PCNX3: variants seen among roughly 807,000 people sequenced by gnomAD.
PCNX3 encodes pecanex 3, also known as pecanex-like protein 3.
In PCNX3, 58 loss-of-function variants were observed where a neutral mutation model predicts 207.2. The ratio of observed to expected loss-of-function variants is 0.28; its 90% CI spans 0.23 to 0.35. The LOEUF (loss-of-function observed/expected upper bound fraction) is 0.35. Ranked by LOEUF, PCNX3 falls within the 10% of genes least tolerant of loss-of-function variation. The pLI is 1.00. For missense variants in PCNX3, 2,410 were observed against 2,774.4 expected (o/e 0.87, Z 2.95); for synonymous variants, 1,337 against 1,183.5 (o/e 1.13, Z -2.66).
Position 65,625,370 on chromosome 11 carries a change from G to C in PCNX3, c.3030-35G>C. Reference sequence around the variant, plus strand: ...CCGTGACTGGGGCCGGGGGGAAGGAGGGGCGGCCTCCTCCTGACTCTTCCT... The same window carrying C: ...CCGTGACTGGGGCCGGGGGGAAGGACGGGCGGCCTCCTCCTGACTCTTCCT... On this transcript the variant is annotated intron_variant, in intron 17 of 34. Transcript: ENST00000355703. The surrounding 1 kb of genome is among the most constrained non-coding windows in gnomAD (Gnocchi z 5.6). 1.3e-6 allele frequency: 2 copies of C among 1,596,532 alleles called. No individual in the cohort carries two copies. Among genetic ancestry groups the C allele is most frequent in the Non-Finnish European group, 1.7e-6 (2 of 1,174,160 alleles).
chr11:65,626,639 G>T, intron 20 of PCNX3: 1 of 531,574 alleles, frequency 1.9e-6, no homozygotes, highest in Non-Finnish European at 3.4e-6. Flanking sequence ...CTGTACGTAG[G>T]TGTTTGCGAT....
At chr11:65,627,698 C>G in intron 22 of PCNX3, 116 bp downstream of exon 22, 1 of 1,288,778 alleles carries the variant, frequency 7.8e-7, no homozygotes, top group Admixed American at 2.0e-5. Context: ...GTATCAGCCC[C>G]GTGGGCCTTT....
intron 22 of PCNX3, among the ~76,000 whole-genome samples, chr11:65,628,111 C>T (rs556019093): frequency 1.3e-5 from 2 of 152,180 alleles, no homozygotes; most frequent in Non-Finnish European, 2.9e-5. Context: ...AGGCCTGAGC[C>T]TTTTTCTTCC....
Position 65,626,932 on chromosome 11 carries a change from G to A in PCNX3, c.3408G>A (p.Lys1136=). The A allele has an allele frequency of 6.3e-7, 1 of 1,585,190 alleles. No individual in the cohort carries two copies. ...CCGCCCAGGTGATGTGGTTTGAGAA[G>A]CTGTATGCTGGCCTGCAGTGCGTAG... is the stretch of plus-strand genomic sequence containing the variant. ...RGAAQVMWFE[K]LYAGLQCVEK... is the part of the protein sequence containing the mutation. The change falls in exon 21 of 35, where the codon AAG becomes AAA. Residue 1136 remains lysine, a synonymous_variant. Coordinates refer to ENST00000355703, the MANE Select transcript of PCNX3 (RefSeq NM_032223.4).
At position 65,618,866 on chromosome 11, in the gene PCNX3, C is replaced by T. The variant is rs372609082; in HGVS notation, c.1504C>T (p.Arg502Cys). Residue 502 changes from arginine to cysteine, a missense_variant, in exon 6 of 35, where the codon CGT becomes TGT. Transcript: ENST00000355703. ...TACCGCCAGCGCTAAAACACATGCCCGTGTGCTGAGCATGGATGGGGCTGG... is the reference window on the plus strand; with the variant it reads ...TACCGCCAGCGCTAAAACACATGCCTGTGTGCTGAGCATGGATGGGGCTGG... ...PSTASAKTHARVLSMDGAGGD... is the reference protein window; with the variant it reads ...PSTASAKTHACVLSMDGAGGD... The T allele has an allele frequency of 4.4e-5, 71 of 1,610,482 alleles. No individual in the cohort carries two copies. The highest frequency in any genetic ancestry group is 1.8e-4 in the South Asian group (16 of 90,736).
chr11:65,627,628 C>G, intron 22 of PCNX3, 46 bp downstream of exon 22: 1 of 1,590,550 alleles, frequency 6.3e-7, no homozygotes, highest in Non-Finnish European at 8.6e-7. Flanking sequence ...CCAATGGGAG[C>G]AGAGCCAACT....
At position 65,619,558 on chromosome 11, in the gene PCNX3, G is replaced by A. The variant is rs1314326267; in HGVS notation, c.1727G>A (p.Arg576Gln). Residue 576 changes from arginine to glutamine, a missense_variant, in exon 7 of 35, where the codon CGG (arginine) becomes CAG (glutamine). Coordinates refer to ENST00000355703, the MANE Select transcript of PCNX3 (RefSeq NM_032223.4). ...GCAGCGGCCGAGGAGACTGGCAGGC[G>A]GGACCGCTCAAGCAGTGTGAGGCGG... ...VGGAAEETGR[R>Q]DRSSSVRRTQ... 15 of 1,610,420 alleles carry A rather than the reference G, an allele frequency of 9.3e-6. No individual in the cohort carries two copies. Among genetic ancestry groups the A allele is most frequent in the African/African-American group, 4.0e-5 (3 of 74,928 alleles).
intron 20 of PCNX3, chr11:65,626,348 C>T (rs757336166): frequency 1.7e-6 from 1 of 598,268 alleles, no homozygotes; most frequent in African/African-American, 1.8e-5. Context: ...GAAGGGATCT[C>T]TTGTCCAGAA....
At chr11:65,624,662 C>T (rs1855286351) in intron 15 of PCNX3, 81 bp downstream of exon 15, 3 of 1,264,310 alleles carry the variant, frequency 2.4e-6, no homozygotes, top group Non-Finnish European at 3.4e-6. Context: ...TTGGCTCCAC[C>T]CTTGCGGAAC....
rs1193928014 is a variant in PCNX3 at position 65,637,047 on chromosome 11, G to A, written c.*69G>A. The stretch of plus-strand genomic sequence containing the variant: ...GACCTGCTCTGCTGCCTCTCTGCTG[G>A]ACCACAGAACTGAGTGGCTTTGGCC... On this transcript the variant is annotated 3_prime_UTR_variant, in exon 35 of 35. Transcript: ENST00000355703. 1 of 1,483,984 alleles carries A rather than the reference G, an allele frequency of 6.7e-7. No homozygotes were observed. Among genetic ancestry groups the A allele is most frequent in the African/African-American group, 1.4e-5 (1 of 72,058 alleles). The allele number at this position is 1,483,984 out of a possible 1,614,324, so 91.9% of individuals were successfully genotyped here. A position where few individuals can be genotyped will look rare whatever the true frequency, so the allele number is the denominator to read the frequency against.
At chr11:65,630,295 A>T in intron 26 of PCNX3, 56 bp from the exon 27 acceptor site, 1 of 1,574,928 alleles carries the variant, frequency 6.3e-7, no homozygotes, top group East Asian at 2.3e-5. Context: ...CTCTCCCAGG[A>T]CAGGGCAGGT....
Position 65,617,947 on chromosome 11 carries a change from C to A in PCNX3, c.585C>A (p.Asp195Glu). The change falls in exon 6 of 35, where the codon GAC (aspartate) becomes GAA (glutamate). Residue 195 changes from aspartate (D) to glutamate (E), a missense_variant. Transcript: ENST00000355703. ...TTCCCTTTATTTTGGCAGTTGGAGA[C>A]CTTCCCCAGACGCCTCCAGGGGCTG... ...KLSSQEKLIG[D>E]LPQTPPGAVP... 1 of 1,575,080 alleles carries A rather than the reference C, an allele frequency of 6.3e-7. No homozygotes were observed. Among genetic ancestry groups the A allele is most frequent in the African/African-American group, 1.4e-5 (1 of 72,878 alleles).
chr11:65,621,665 G>C (rs1855110805), intron 10 of PCNX3, among the ~76,000 whole-genome samples: 1 of 152,216 alleles, frequency 6.6e-6, no homozygotes, highest in Non-Finnish European at 1.5e-5. Flanking sequence ...GCGTGCCTCT[G>C]GCTCGCCATT....
At chr11:65,619,103 G>T (rs76048069) in intron 6 of PCNX3, 36 bp downstream of exon 6, 1 of 1,519,472 alleles carries the variant, frequency 6.6e-7, no homozygotes, top group South Asian at 1.2e-5. Context: ...GCTGGGGGAC[G>T]TGAGCTACGG....
chr11:65,622,643 T>G (rs1855168837), intron 11 of PCNX3, among the ~76,000 whole-genome samples: 1 of 152,230 alleles, frequency 6.6e-6, no homozygotes. Context: ...TCGTCCAGGC[T>G]GGAGTGCAGT....
In PCNX3 at chr11:65,617,215, G is replaced by A. The variant is rs199716073; in HGVS notation, c.342-35G>A. The A allele has an allele frequency of 3.3e-5, 52 of 1,557,190 alleles. No individual in the cohort carries two copies. In the African/African-American group the frequency reaches 3.8e-4, roughly 11 times the overall value. On this transcript the variant is annotated intron_variant, in intron 2 of 34. Transcript: ENST00000355703. ...AGGAAGTAGCATACACAGAGGAGAG[G>A]TTAGCTCAAAGCTGCTGCTCTTTTT...
chr11:65,619,237 A>G (rs1346566116), intron 6 of PCNX3, among the ~76,000 whole-genome samples, 170 bp downstream of exon 6: 2 of 152,116 alleles, frequency 1.3e-5, no homozygotes, highest in African/African-American at 4.8e-5. Context: ...CCTCTTAGAC[A>G]TGGGGCTCAG....
At position 65,635,778 on chromosome 11, in the gene PCNX3, C is replaced by T. The variant is rs754275678; in HGVS notation, c.5434C>T (p.His1812Tyr). ...CCCCATCAGCCTGGGTGCCATTGCC[C>T]ACTGGCTCCTGCGCACCTGGGAGAG... The part of the protein sequence containing the change: ...GGPISLGAIA[H>Y]WLLRTWERLH... Residue 1812 changes from histidine to tyrosine, a missense_variant, in exon 32 of 35, where the codon CAC becomes TAC. By Grantham distance (83) the His-to-Tyr change is moderately conservative (BLOSUM62 2). Around this residue, in one of 8 missense-constraint regions of PCNX3, gnomAD observed 59 missense variants for 83.9 expected, o/e 0.70. Coordinates refer to ENST00000355703, the MANE Select transcript of PCNX3 (RefSeq NM_032223.4). The surrounding 1 kb of genome is among the most constrained non-coding windows in gnomAD (Gnocchi z 9.9). 1.2e-6 allele frequency: 2 copies of T among 1,603,790 alleles called. No individual in the cohort carries two copies. The highest frequency in any genetic ancestry group is 1.7e-6 in the Non-Finnish European group (2 of 1,175,860).
intron 10 of PCNX3, 72 bp downstream of exon 10, chr11:65,621,038 CAT>C (rs1206514174): frequency 4.0e-5 from 59 of 1,463,388 alleles, no homozygotes; most frequent in Non-Finnish European, 5.2e-5. Context: ...GTCCGGCCTG[CAT>C]AGAGAGCTTG....
Sources: gnomAD v4.1 joint callset for allele counts (sites outside exome capture counted in the v4.1 genomes callset) on GRCh38, gnomAD v4.1.1 for gene constraint, gnomAD v4.1.1 regional missense constraint, Gnocchi (gnomAD v3.1) non-coding constraint, MANE v1.5 for transcripts, NCBI Gene and HGNC (gene_info 2026-07-23, HGNC 2026-07-21) for gene names.